The following RAI14 variants were observed in gnomAD, a reference collection of about 807,000 sequenced individuals.
RAI14 encodes ankycorbin.
A neutral mutation model predicts 115.4 loss-of-function variants in RAI14; 45 were observed. The ratio of observed to expected loss-of-function variants is 0.39; its 90% CI spans 0.31 to 0.50. The LOEUF (loss-of-function observed/expected upper bound fraction) is 0.50. Ranked by LOEUF, RAI14 falls within the 20% of genes least tolerant of loss-of-function variation. The pLI is 0.85. For missense variants in RAI14, 939 were observed against 1,131.2 expected (o/e 0.83, Z 2.44); for synonymous variants, 371 against 415.4 (o/e 0.89, Z 1.30).
Position 34,830,828 on chromosome 5 carries a change from C to T in RAI14, c.*63C>T, listed in dbSNP as rs1011043009. ...GTCTTTGTGTTAGATCCAGAGTTGT[C>T]GGCAGCCGCTGCCATTGTTCTCATT... is the stretch of plus-strand genomic sequence containing the variant. On this transcript the variant is annotated 3_prime_UTR_variant, in exon 18 of 18. Transcript: ENST00000265109. 48 of 1,604,076 alleles carry T rather than the reference C, an allele frequency of 3.0e-5. No individual in the cohort carries two copies. Among genetic ancestry groups the T allele is most frequent in the Non-Finnish European group, 3.7e-5 (43 of 1,174,954 alleles).
intron 1 of RAI14, among the ~76,000 whole-genome samples, chr5:34,678,474 A>G (rs1744153855): frequency 1.3e-5 from 2 of 152,198 alleles, no homozygotes; most frequent in African/African-American, 4.8e-5. Context: ...AGGTAAAATA[A>G]GGTCATATGG....
Position 34,752,703 on chromosome 5 carries a change from ATGTGTGTG to A in RAI14, c.37-4725_37-4718del, listed in dbSNP as rs71600953. Among the ~76,000 whole-genome samples the A allele has an allele frequency of 9.1e-3, 753 of 82,982 alleles. 18 individuals are homozygous for A. The highest frequency in any genetic ancestry group is 0.012 in the African/African-American group (216 of 17,488). The allele number at this position is 82,982 out of a possible 152,430, so 54.4% of individuals were successfully genotyped here. On this transcript the variant is annotated intron_variant, in intron 2 of 17. Coordinates refer to ENST00000265109, the MANE Select transcript of RAI14 (RefSeq NM_015577.3). ...AGAAATATCTATATTTCTTACATAT[ATGTGTGTG>A]TGTGTGTGTGTGTGTGTGTGTGTGT...
At position 34,823,530 on chromosome 5, in the gene RAI14, G is replaced by A; in HGVS notation, c.1688G>A (p.Arg563Lys). ...GAGTTAGAGGAAAAACTGGTAGAGA[G>A]GGAGAAAGGTACAGTGATTAAGCCA... ...VRELEEKLVEREKGTVIKPPV... is the reference protein window; with the variant it reads ...VRELEEKLVEKEKGTVIKPPV... Residue 563 changes from arginine to lysine, a missense_variant, in exon 15 of 18, where the codon AGG becomes AAG. Physicochemically the swap from Arg to Lys is conservative, Grantham distance 26. Coordinates refer to ENST00000265109, the MANE Select transcript of RAI14 (RefSeq NM_015577.3). The surrounding 1 kb of genome is among the most constrained non-coding windows in gnomAD (Gnocchi z 4.5). 1 of 1,614,134 alleles carries A rather than the reference G, an allele frequency of 6.2e-7. No homozygotes were observed. Among genetic ancestry groups the A allele is most frequent in the Non-Finnish European group, 8.5e-7 (1 of 1,180,018 alleles).
intron 2 of RAI14, among the ~76,000 whole-genome samples, chr5:34,692,939 GA>G (rs1738813169): frequency 6.6e-6 from 1 of 152,288 alleles, no homozygotes; most frequent in Non-Finnish European, 1.5e-5. Flanking sequence ...CTGCGAGGGC[GA>G]ATCTGTTCCA....
chr5:34,822,092 T>C (rs1756890904), intron 14 of RAI14, among the ~76,000 whole-genome samples: 1 of 149,760 alleles, frequency 6.7e-6, no homozygotes, highest in Non-Finnish European at 1.5e-5. Context: ...TTAAATATTC[T>C]ATATGTTTAA....
chr5:34,681,123 G>A lies in RAI14; in HGVS notation c.-48-5749G>A, dbSNP rs557684105. 3.3e-5 allele frequency among the ~76,000 whole-genome samples: 5 copies of A among 152,318 alleles called. No homozygotes were observed. The South Asian group carries it at 1.0e-3, about 32-fold the overall frequency. On this transcript the variant is annotated intron_variant, in intron 1 of 17. Transcript: ENST00000265109. ...GAGTTTGGATGGCGTGAGGTACTGT[G>A]TTGTTAAGGTACCTTCATTAGGAAG...
At chr5:34,775,196 G>A (rs1750686577) in intron 3 of RAI14, among the ~76,000 whole-genome samples, 1 of 152,156 alleles carries the variant, frequency 6.6e-6, no homozygotes, top group African/African-American at 2.4e-5. Context: ...GTAGGGCGTT[G>A]GGTTGGGCAA....
intron 1 of RAI14, among the ~76,000 whole-genome samples, chr5:34,668,702 T>C (rs1743400121): frequency 1.3e-5 from 2 of 152,144 alleles, no homozygotes; most frequent in Non-Finnish European, 2.9e-5. Flanking sequence ...AAAAAAAAAC[T>C]ATTTAAAATA....
chr5:34,810,879 A>G, intron 7 of RAI14, 133 bp from the exon 8 acceptor site: 5 of 1,322,660 alleles, frequency 3.8e-6, no homozygotes, highest in Non-Finnish European at 5.2e-6. Context: ...ACAGAATATC[A>G]GGTTGGACCA....
chr5:34,744,210 A>G (rs1207637903), intron 2 of RAI14, among the ~76,000 whole-genome samples: 2 of 152,240 alleles, frequency 1.3e-5, no homozygotes, highest in African/African-American at 2.4e-5. Context: ...TCAGACCCTA[A>G]AATATTCATT....
chr5:34,799,539 C>CACAAA (rs1554007142), intron 4 of RAI14, among the ~76,000 whole-genome samples: 1 of 57,212 alleles, frequency 1.7e-5, no homozygotes, highest in African/African-American at 4.5e-5. Flanking sequence ...CACACACACA[C>CACAAA]AAAACCACCT....
At chr5:34,676,108 C>G (rs889561073) in intron 1 of RAI14, among the ~76,000 whole-genome samples, 2 of 152,214 alleles carry the variant, frequency 1.3e-5, no homozygotes, top group Non-Finnish European at 2.9e-5. Context: ...TTCACAATGA[C>G]TATACCATTT....
intron 3 of RAI14, among the ~76,000 whole-genome samples, chr5:34,787,451 C>T (rs1010323416): frequency 1.3e-5 from 2 of 152,124 alleles, no homozygotes; most frequent in Non-Finnish European, 2.9e-5. Flanking sequence ...ATGGATGAAC[C>T]TTGAAAACAT....
chr5:34,745,949 C>G (rs1020797439), intron 2 of RAI14, among the ~76,000 whole-genome samples: 1 of 152,142 alleles, frequency 6.6e-6, no homozygotes, highest in African/African-American at 2.4e-5. Context: ...CATCTCTGCT[C>G]ATGCTCCTCT....
chr5:34,666,739 T>C lies in RAI14; in HGVS notation c.-49+10264T>C, dbSNP rs562825096. 3.3e-5 allele frequency among the ~76,000 whole-genome samples: 5 copies of C among 152,286 alleles called. No individual in the cohort carries two copies. The South Asian group carries it at 1.0e-3, about 32-fold the overall frequency. ...TGACAGAAGCTCTTCAGATGGGTCATTGTAATTGACTTGAGCACCTTCTCT... is the reference window on the plus strand; with the variant it reads ...TGACAGAAGCTCTTCAGATGGGTCACTGTAATTGACTTGAGCACCTTCTCT... On this transcript the variant is annotated intron_variant, in intron 1 of 17. Coordinates refer to ENST00000265109, the MANE Select transcript of RAI14 (RefSeq NM_015577.3).
intron 2 of RAI14, among the ~76,000 whole-genome samples, chr5:34,721,065 C>T (rs1241426996): frequency 6.6e-6 from 1 of 151,848 alleles, no homozygotes; most frequent in Non-Finnish European, 1.5e-5. Flanking sequence ...CCTGCCTTCC[C>T]ACATGGGTTC....
chr5:34,785,046 T>C (rs1398562256), intron 3 of RAI14, among the ~76,000 whole-genome samples: 1 of 152,204 alleles, frequency 6.6e-6, no homozygotes, highest in African/African-American at 2.4e-5. Flanking sequence ...ATTCTCCATT[T>C]ACCTTATTGT....
At chr5:34,721,833 C>T (rs747477260) in intron 2 of RAI14, among the ~76,000 whole-genome samples, 12 of 152,116 alleles carry the variant, frequency 7.9e-5, no homozygotes, top group African/African-American at 1.2e-4. Context: ...GACTCAGCCT[C>T]CCAAGTAGCT....
At chr5:34,706,917 A>T (rs1340834714) in intron 2 of RAI14, among the ~76,000 whole-genome samples, 2 of 152,190 alleles carry the variant, frequency 1.3e-5, no homozygotes, top group Admixed American at 1.3e-4. Context: ...AGTCAAGACC[A>T]TCAAAACTTG....
Sources: gnomAD v4.1 joint callset for allele counts (sites outside exome capture counted in the v4.1 genomes callset) on GRCh38, gnomAD v4.1.1 for gene constraint, Gnocchi (gnomAD v3.1) non-coding constraint, MANE v1.5 for transcripts, NCBI Gene and HGNC (gene_info 2026-07-23, HGNC 2026-07-21) for gene names.